REV3L: variants seen among roughly 807,000 people sequenced by gnomAD.
REV3L encodes the protein DNA polymerase zeta catalytic subunit.
Under a neutral mutation model 299.4 loss-of-function variants are expected in REV3L, and 69 were observed. The observed-to-expected ratio is 0.23, with a 90% CI of 0.19 to 0.28. REV3L has a LOEUF of 0.28. REV3L is among the 10% of genes least tolerant of loss of function. REV3L has a pLI of 1.00. For missense variants in REV3L, 3,128 were observed against 3,693.8 expected, an observed-to-expected ratio of 0.85 and a Z score of 3.97; for synonymous variants, 1,238 against 1,271.4, an observed-to-expected ratio of 0.97 and a Z score of 0.56.
At chr6:111,433,031 T>C (rs1787130228) in intron 1 of REV3L, among the ~76,000 whole-genome samples, 1 of 152,030 alleles carries the variant, frequency 6.6e-6, no homozygotes, top group African/African-American at 2.4e-5. Flanking sequence ...CCCAAACCTA[T>C]GGGATACAGC....
chr6:111,368,755 C>A (rs568680078), intron 13 of REV3L, among the ~76,000 whole-genome samples: 2 of 152,304 alleles, frequency 1.3e-5, no homozygotes, highest in South Asian at 2.1e-4. Flanking sequence ...TCCCTTGATA[C>A]TATTTCTGCT....
At chr6:111,474,575 A>C (rs1268441580) in intron 1 of REV3L, among the ~76,000 whole-genome samples, 1 of 152,152 alleles carries the variant, frequency 6.6e-6, no homozygotes, top group Non-Finnish European at 1.5e-5. Context: ...GTTGTCACTC[A>C]CCATGCTATT....
Position 111,363,971 on chromosome 6 carries a change from A to G in REV3L, c.6761T>C (p.Phe2254Ser). The change falls in exon 16 of 32, where the codon TTT becomes TCT. Residue 2254 changes from phenylalanine (F) to serine (S), a missense_variant. Coordinates refer to ENST00000368802, the MANE Select transcript of REV3L (RefSeq NM_001372078.1). ...TTTCTGTGGGGTATTTACTGCTGCAAATTGATTCTATAAAAAAAAACACAC... is the reference window on the plus strand; with the variant it reads ...TTTCTGTGGGGTATTTACTGCTGCAGATTGATTCTATAAAAAAAAACACAC... ...RVLLTQAKNQ[F>S]AAVNTPQKET... is the part of the protein sequence containing the mutation. 1 of 1,605,502 alleles carries G rather than the reference A, an allele frequency of 6.2e-7. No individual in the cohort carries two copies. The highest frequency in any genetic ancestry group is 8.5e-7 in the Non-Finnish European group (1 of 1,177,308).
intron 26 of REV3L, among the ~76,000 whole-genome samples, chr6:111,322,165 C>T (rs1582505096): frequency 6.6e-6 from 1 of 152,186 alleles, no homozygotes; most frequent in Non-Finnish European, 1.5e-5. Context: ...TAACCATTCA[C>T]AGTTCTGGCA....
chr6:111,402,917 C>T (rs1270136964), intron 4 of REV3L, among the ~76,000 whole-genome samples: 1 of 152,014 alleles, frequency 6.6e-6, no homozygotes, highest in African/African-American at 2.4e-5. Flanking sequence ...AGGTAGGTGT[C>T]CAAGAGAAAT....
Position 111,482,972 on chromosome 6 carries a change from G to A in REV3L, c.-84C>T. 19 of 1,407,300 alleles carry A rather than the reference G, an allele frequency of 1.4e-5. No individual in the cohort carries two copies. Among genetic ancestry groups the A allele is most frequent in the Non-Finnish European group, 1.8e-5 (19 of 1,082,494 alleles). The allele number at this position is 1,407,300 out of a possible 1,614,324, so 87.2% of individuals were successfully genotyped here. A position where few individuals can be genotyped will look rare whatever the true frequency, so the allele number is the denominator to read the frequency against. ...GGCGGCGGCTCCCTCCGCAGCGGCG[G>A]CGGCGCCCCCTCCCCTTCTCGGCAC... On this transcript the variant is annotated 5_prime_UTR_variant, in exon 1 of 32. Transcript: ENST00000368802.
At chr6:111,396,126 A>C (rs1782475519) in intron 4 of REV3L, among the ~76,000 whole-genome samples, 1 of 152,150 alleles carries the variant, frequency 6.6e-6, no homozygotes, top group African/African-American at 2.4e-5. Context: ...TCCTGGGCTC[A>C]AGCCATCCTC....
intron 4 of REV3L, among the ~76,000 whole-genome samples, chr6:111,394,692 G>C (rs1377425804): frequency 6.7e-6 from 1 of 148,732 alleles, no homozygotes; most frequent in African/African-American, 2.5e-5. Flanking sequence ...ATGTCCCAGA[G>C]TATCTGTCCT....
chr6:111,396,493 T>C (rs1027502623), intron 4 of REV3L, among the ~76,000 whole-genome samples: 2 of 152,258 alleles, frequency 1.3e-5, no homozygotes, highest in African/African-American at 2.4e-5. Context: ...ATCAGGATAA[T>C]GCTGGCTTCA....
At chr6:111,325,591 G>A (rs1299166990) in intron 25 of REV3L, among the ~76,000 whole-genome samples, 3 of 152,224 alleles carry the variant, frequency 2.0e-5, no homozygotes, top group Admixed American at 6.5e-5. Context: ...CTGAAGGAAA[G>A]CAGGAGACCA....
At chr6:111,342,240 G>A (rs1022890127) in intron 21 of REV3L, among the ~76,000 whole-genome samples, 2 of 152,132 alleles carry the variant, frequency 1.3e-5, no homozygotes, top group Non-Finnish European at 2.9e-5. Flanking sequence ...ACTGAGAAAG[G>A]AGTAGAAGAA....
rs186210604 is a variant in REV3L at position 111,364,668 on chromosome 6, A to G, written c.6753+597T>C. Among the ~76,000 whole-genome samples the G allele has an allele frequency of 3.8e-4, 54 of 143,766 alleles. 1 individual carries two copies. Among genetic ancestry groups the G allele is most frequent in the Non-Finnish European group, 5.5e-4 (34 of 62,100 alleles). The allele number at this position is 143,766 out of a possible 152,430, so 94.3% of individuals were successfully genotyped here. On this transcript the variant is annotated intron_variant, in intron 15 of 31. Transcript: ENST00000368802. ...TTATGTAGTTAATGACATTTATAAG[A>G]AGTGGCCAATATATAAGTGATTTCT...
intron 9 of REV3L, among the ~76,000 whole-genome samples, chr6:111,385,308 A>C (rs1310218802): frequency 1.3e-5 from 2 of 152,142 alleles, no homozygotes; most frequent in Non-Finnish European, 2.9e-5. Context: ...TACCCCATTT[A>C]TCCTGATGTG....
intron 3 of REV3L, among the ~76,000 whole-genome samples, chr6:111,410,992 C>T (rs1784181568): frequency 6.6e-6 from 1 of 152,016 alleles, no homozygotes; most frequent in Non-Finnish European, 1.5e-5. Flanking sequence ...AAGCTAGAGG[C>T]AGGGAGACTA....
rs1780233099 is a variant in REV3L at position 111,375,703 on chromosome 6, A to G, written c.2652T>C (p.Ala884=). The change falls in exon 13 of 32, where the codon GCT becomes GCC. Residue 884 remains alanine, a synonymous_variant. Coordinates refer to ENST00000368802, the MANE Select transcript of REV3L (RefSeq NM_001372078.1). The part of the protein sequence containing the change: ...ASDLTKTTRG[A]FENKTPTDGF... The stretch of plus-strand genomic sequence containing the variant: ...CATCTGTGGGTGTTTTATTTTCAAA[A>G]GCTCCACGAGTGGTTTTAGTTAAAT... 6.2e-7 allele frequency: 1 copy of G among 1,613,890 alleles called. No individual in the cohort carries two copies. The highest frequency in any genetic ancestry group is 1.7e-5 in the Admixed American group (1 of 60,004).
At chr6:111,320,162 G>A (rs1307427596) in intron 26 of REV3L, among the ~76,000 whole-genome samples, 4 of 151,866 alleles carry the variant, frequency 2.6e-5, no homozygotes, top group Non-Finnish European at 5.9e-5. Context: ...TCTGCCTCCC[G>A]GGTTCTAGCT....
chr6:111,347,971 T>C (rs1388326934), intron 20 of REV3L, among the ~76,000 whole-genome samples: 2 of 152,172 alleles, frequency 1.3e-5, no homozygotes, highest in African/African-American at 4.8e-5. Context: ...CATGGCTAAC[T>C]CGTATTTTTT....
intron 21 of REV3L, among the ~76,000 whole-genome samples, chr6:111,338,178 A>G (rs993849862): frequency 1.3e-5 from 2 of 152,152 alleles, no homozygotes; most frequent in African/African-American, 4.8e-5. Context: ...CTGGGCACGA[A>G]TATTTCCTTG....
chr6:111,430,673 G>C, intron 1 of REV3L: 1 of 1,523,136 alleles, frequency 6.6e-7, no homozygotes, highest in Non-Finnish European at 9.1e-7. Flanking sequence ...AGATGCCAAA[G>C]CACACGCCTT....
Sources: allele counts gnomAD v4.1 joint callset (sites outside exome capture counted in the v4.1 genomes callset), GRCh38; gene constraint gnomAD v4.1.1; transcripts MANE v1.5; gene names NCBI Gene and HGNC (gene_info 2026-07-23, HGNC 2026-07-21).